SPON1: variants seen among roughly 807,000 people sequenced by gnomAD.
SPON1 encodes the protein spondin 1, also known as spondin-1.
Under a neutral mutation model 111.7 loss-of-function variants are expected in SPON1, and 52 were observed. The ratio of observed to expected loss-of-function variants is 0.47; its 90% CI spans 0.37 to 0.59. The LOEUF is 0.59. Ranked by LOEUF, SPON1 falls within the 20% of genes least tolerant of loss-of-function variation. SPON1 has a pLI of 0.00. For missense variants in SPON1, 957 were observed against 1,068.5 expected, an observed-to-expected ratio of 0.90 and a Z score of 1.46; for synonymous variants, 410 against 395.8, an observed-to-expected ratio of 1.04 and a Z score of -0.43.
chr11:14,265,379 T>C, intron 15 of SPON1, 145 bp from the exon 16 acceptor site: 1 of 929,540 alleles, frequency 1.1e-6, no homozygotes, highest in South Asian at 2.0e-5. Context: ...ACGACCTAAC[T>C]GTCCCTAATA....
chr11:14,183,886 GATA>G (rs66527538), intron 6 of SPON1, among the ~76,000 whole-genome samples: 60,744 of 151,726 alleles, frequency 0.4, 12,265 homozygotes, highest in East Asian at 0.55. Flanking sequence ...TATAAAATAT[GATA>G]ATAATATTCA....
intron 1 of SPON1, among the ~76,000 whole-genome samples, chr11:13,980,230 T>TG (rs1848133936): frequency 6.6e-6 from 1 of 152,048 alleles, no homozygotes; most frequent in Admixed American, 6.6e-5. Flanking sequence ...TTAGTAGAGA[T>TG]GGGGTTTCAC....
At chr11:14,012,388 G>T (rs1412000934) in intron 2 of SPON1, among the ~76,000 whole-genome samples, 1 of 152,036 alleles carries the variant, frequency 6.6e-6, no homozygotes, top group Non-Finnish European at 1.5e-5. Flanking sequence ...CCCAAATGGG[G>T]GTCAGCTTTT....
chr11:14,123,787 C>G (rs1418197980), intron 5 of SPON1, among the ~76,000 whole-genome samples: 1 of 152,228 alleles, frequency 6.6e-6, no homozygotes, highest in African/African-American at 2.4e-5. Flanking sequence ...ATGGTCAGTT[C>G]TACTCCACCT....
chr11:14,168,824 C>T (rs1554932111), intron 6 of SPON1, among the ~76,000 whole-genome samples: 2 of 152,184 alleles, frequency 1.3e-5, no homozygotes, highest in African/African-American at 4.8e-5. Context: ...CTACGAAGGA[C>T]ATGAACTCAT....
intron 6 of SPON1, among the ~76,000 whole-genome samples, chr11:14,198,622 T>A (rs1443734836): frequency 1.3e-5 from 2 of 152,238 alleles, no homozygotes; most frequent in Non-Finnish European, 2.9e-5. Context: ...GTGTTTCTGT[T>A]TGTGGCCTCA....
At chr11:14,026,023 G>A (rs1287375613) in intron 2 of SPON1, among the ~76,000 whole-genome samples, 1 of 152,154 alleles carries the variant, frequency 6.6e-6, no homozygotes, top group African/African-American at 2.4e-5. Context: ...ATCTGAAAGA[G>A]CTTCCTCCTG....
intron 4 of SPON1, among the ~76,000 whole-genome samples, chr11:14,075,975 G>T (rs1564899285): frequency 6.6e-6 from 1 of 152,106 alleles, no homozygotes; most frequent in East Asian, 1.9e-4. Context: ...GCTCATGGAG[G>T]CTAACTAGAC....
At chr11:14,080,115 G>C in intron 5 of SPON1, 94 bp downstream of exon 5, 1 of 1,463,676 alleles carries the variant, frequency 6.8e-7, no homozygotes, top group Non-Finnish European at 9.5e-7. Context: ...TGTCAGATCT[G>C]CTCCCTAGTA....
At chr11:14,100,017 C>T (rs928972146) in intron 5 of SPON1, among the ~76,000 whole-genome samples, 6 of 152,194 alleles carry the variant, frequency 3.9e-5, no homozygotes. Context: ...CCGATCACCT[C>T]CCACCAGGCC....
Position 14,231,971 on chromosome 11 carries a change from C to CTGTG in SPON1, c.826-11361_826-11360insTGTG, listed in dbSNP as rs1554938802. 4.9e-5 allele frequency among the ~76,000 whole-genome samples: 6 copies of CTGTG among 123,354 alleles called. No homozygotes were observed. In the East Asian group the frequency reaches 1.4e-3, roughly 28 times the overall value. 80.9% of individuals were successfully genotyped at this position (123,354 alleles called of 152,430 possible). On this transcript the variant is annotated intron_variant, in intron 6 of 15. Transcript: ENST00000576479. ...CTTTTTGTTTCTCTCTCCTCCTACG[C>CTGTG]CGTGTGTGTGTGTGTGTGTTTGTCT...
chr11:14,040,355 C>G (rs1848622970), intron 2 of SPON1, among the ~76,000 whole-genome samples: 1 of 152,046 alleles, frequency 6.6e-6, no homozygotes, highest in African/African-American at 2.4e-5. Context: ...AATGATATAG[C>G]TCAAAAGTGT....
At chr11:13,998,680 G>A (rs1848293006) in intron 2 of SPON1, among the ~76,000 whole-genome samples, 1 of 152,130 alleles carries the variant, frequency 6.6e-6, no homozygotes, top group South Asian at 2.1e-4. Flanking sequence ...TACTCCCCTG[G>A]CCTCACCAAG....
At chr11:14,140,107 CTG>C (rs1554928613) in intron 6 of SPON1, among the ~76,000 whole-genome samples, 3 of 152,168 alleles carry the variant, frequency 2.0e-5, no homozygotes, top group African/African-American at 7.2e-5. Flanking sequence ...TTAGGGGAAT[CTG>C]TGCATCCATT....
At chr11:14,234,789 G>A (rs782420695) in intron 6 of SPON1, among the ~76,000 whole-genome samples, 14 of 152,198 alleles carry the variant, frequency 9.2e-5, no homozygotes, top group African/African-American at 1.2e-4. Context: ...TTTTCCCATC[G>A]AAATTACAAG....
At chr11:14,067,596 C>CGAGA (rs1564897607) in intron 3 of SPON1, among the ~76,000 whole-genome samples, 1 of 152,114 alleles carries the variant, frequency 6.6e-6, no homozygotes, top group Non-Finnish European at 1.5e-5. Context: ...GCAAAACTTC[C>CGAGA]TCAGAAGGAT....
At chr11:14,064,829 C>G (rs1848819924) in intron 3 of SPON1, among the ~76,000 whole-genome samples, 1 of 152,068 alleles carries the variant, frequency 6.6e-6, no homozygotes, top group Non-Finnish European at 1.5e-5. Flanking sequence ...ACCAGAAAAT[C>G]CTTCACTTAA....
chr11:14,244,618 C>T (rs924659835), intron 7 of SPON1, among the ~76,000 whole-genome samples: 1 of 151,970 alleles, frequency 6.6e-6, no homozygotes, highest in Non-Finnish European at 1.5e-5. Context: ...TGTGGTGGCG[C>T]ATGCCTGTAG....
In SPON1 at chr11:14,041,760, C is replaced by T. The variant is rs529219547; in HGVS notation, c.479+106C>T. On this transcript the variant is annotated intron_variant, in intron 3 of 15. Coordinates refer to ENST00000576479, the MANE Select transcript of SPON1 (RefSeq NM_006108.4). The stretch of plus-strand genomic sequence containing the variant: ...ACTGAGCATCAGAAAGTTGCATCAT[C>T]TCTCTGCCCTCCCTTATCTGAATTC... 84 of 1,256,780 alleles carry T rather than the reference C, an allele frequency of 6.7e-5. No homozygotes were observed. The East Asian group carries it at 1.8e-3, about 28-fold the overall frequency. 77.9% of individuals were successfully genotyped at this position (1,256,780 alleles called of 1,614,324 possible). A position where few individuals can be genotyped will look rare whatever the true frequency, so the allele number is the denominator to read the frequency against.
Sources: allele counts gnomAD v4.1 joint callset (sites outside exome capture counted in the v4.1 genomes callset), GRCh38; gene constraint gnomAD v4.1.1; transcripts MANE v1.5; gene names NCBI Gene and HGNC (gene_info 2026-07-23, HGNC 2026-07-21).